TTN: variants seen among roughly 807,000 people sequenced by gnomAD.
The protein encoded by TTN is connectin.
A neutral mutation model predicts 3,223.0 loss-of-function variants in TTN; 1,525 were observed. The observed-to-expected ratio is 0.47, with a 90% CI of 0.45 to 0.49. TTN has a LOEUF of 0.49. Among genes scored for constraint, TTN ranks in the 20% least tolerant of loss-of-function variants. TTN has a pLI of 0.00. For missense variants in TTN, 40,786 were observed against 43,424.0 expected (o/e 0.94, Z 5.40); for synonymous variants, 14,094 against 15,161.0 (o/e 0.93, Z 5.17).
In TTN at chr2:178,712,733, C is replaced by T. The variant is rs772115815; in HGVS notation, c.27292G>A (p.Gly9098Ser). 2 of 1,613,754 alleles carry T rather than the reference C, an allele frequency of 1.2e-6. No homozygotes were observed. The highest frequency in any genetic ancestry group is 2.2e-5 in the East Asian group (1 of 44,864). Residue 9098 changes from glycine (G) to serine (S), a missense_variant, in exon 94 of 363, where the codon GGC becomes AGC. Coordinates refer to ENST00000589042, the MANE Select transcript of TTN (RefSeq NM_001267550.2). ...EYTCIVSNEA[G>S]KASCTTHLYI... ...AGATGTGTTGTACAAGAAGCCTTGCCAGCTTCATTGCTAACTATGCAAGTA... is the reference window on the plus strand; with the variant it reads ...AGATGTGTTGTACAAGAAGCCTTGCTAGCTTCATTGCTAACTATGCAAGTA...
At chr2:178,667,357 A>G in intron 161 of TTN, 38 bp from the exon 162 acceptor site, 3 of 1,571,846 alleles carry the variant, frequency 1.9e-6, no homozygotes, top group Non-Finnish European at 2.6e-6. Flanking sequence ...TAAAAGTTGT[A>G]AAAACAGTAA....
chr2:178,748,202 C>G (rs1314174634), intron 47 of TTN: 1 of 1,613,060 alleles, frequency 6.2e-7, no homozygotes, highest in East Asian at 2.2e-5. Context: ...AAGTAGGGCA[C>G]ATGATTCACT....
At chr2:178,642,356 T>C (rs372110876) in intron 218 of TTN, 39 bp from the exon 219 acceptor site, 41 of 1,524,146 alleles carry the variant, frequency 2.7e-5, no homozygotes, top group African/African-American at 8.3e-5. Flanking sequence ...AGTGAATTTA[T>C]ATAAAAACGG....
At position 178,633,304 on chromosome 2, in the gene TTN, C is replaced by A; in HGVS notation, c.42969G>T (p.Lys14323Asn). 6.2e-7 allele frequency: 1 copy of A among 1,612,910 alleles called. No individual in the cohort carries two copies. Among genetic ancestry groups the A allele is most frequent in the South Asian group, 1.1e-5 (1 of 90,856 alleles). ...CAAACACCTCTACTCCGTACAGAGG[C>A]TTTTCCACTTTTATTAGTCGAGCTG... ...TVEARLIKVEKPLYGVEVFVG... is the reference protein window; with the variant it reads ...TVEARLIKVENPLYGVEVFVG... Residue 14323 changes from lysine (K) to asparagine (N), a missense_variant, in exon 233 of 363, where the codon AAG becomes AAT. Physicochemically the swap from Lys to Asn is moderately conservative, Grantham distance 94. Coordinates refer to ENST00000589042, the MANE Select transcript of TTN (RefSeq NM_001267550.2).
rs762080939 is a variant in TTN at position 178,779,370 on chromosome 2, A to C, written c.3822T>G (p.Asp1274Glu). ...KTTLEELLEE[D>E]GEEKMAVDIS... is the part of the protein sequence containing the mutation. ...TGTCAACTGCCATCTTTTCTTCTCC[A>C]TCTTCTTCAAGAAGTTCTTCTAATG... The change falls in exon 23 of 363, where the codon GAT (aspartate) becomes GAG (glutamate). Residue 1274 changes from aspartate (D) to glutamate (E), a missense_variant. Physicochemically the swap from Asp to Glu is conservative, Grantham distance 45 (BLOSUM62 2). Transcript: ENST00000589042. The C allele has an allele frequency of 3.1e-6, 5 of 1,608,080 alleles. No homozygotes were observed. The highest frequency in any genetic ancestry group is 1.7e-4 in the Middle Eastern group (1 of 6,054).
chr2:178,584,397 T>C lies in TTN; in HGVS notation c.65154A>G (p.Glu21718=), dbSNP rs1398995002. Residue 21718 remains glutamate (E), a synonymous_variant, in exon 311 of 363, where the codon GAA becomes GAG. Coordinates refer to ENST00000589042, the MANE Select transcript of TTN (RefSeq NM_001267550.2). The stretch of plus-strand genomic sequence containing the variant: ...CTTCTACAAGGCCAGCACAAGGATA[T>C]TCAGTTGACCGGACAAGAGTATCAT... ...KANDTLVRST[E]YPCAGLVEGL... 1 of 1,613,210 alleles carries C rather than the reference T, an allele frequency of 6.2e-7. No individual in the cohort carries two copies. Among genetic ancestry groups the C allele is most frequent in the African/African-American group, 1.3e-5 (1 of 74,874 alleles).
chr2:178,697,277 T>TACTCATAC, intron 112 of TTN, 109 bp from the exon 113 acceptor site: 2 of 850,854 alleles, frequency 2.4e-6, no homozygotes, highest in Non-Finnish European at 3.4e-6. Flanking sequence ...CTATGACTAC[T>TACTCATAC]ACTCATACAC....
chr2:178,600,922 G>A lies in TTN; in HGVS notation c.55982C>T (p.Ala18661Val), dbSNP rs370732855. Residue 18661 changes from alanine (A) to valine (V), a missense_variant, in exon 288 of 363, where the codon GCT (alanine) becomes GTT (valine). Coordinates refer to ENST00000589042, the MANE Select transcript of TTN (RefSeq NM_001267550.2). The part of the protein sequence containing the change: ...EGGEYEFRVK[A>V]VNAAGVSKPS... ...CTTGCTGACTCCTGCAGCATTGACAGCTTTGACTCGGAATTCATATTCCCC... is the reference window on the plus strand; with the variant it reads ...CTTGCTGACTCCTGCAGCATTGACAACTTTGACTCGGAATTCATATTCCCC... 2 of 1,612,854 alleles carry A rather than the reference G, an allele frequency of 1.2e-6. No individual in the cohort carries two copies. The highest frequency in any genetic ancestry group is 3.3e-5 in the Admixed American group (2 of 59,940).
At chr2:178,638,673 A>T (rs2060823829) in intron 223 of TTN, among the ~76,000 whole-genome samples, 1 of 151,760 alleles carries the variant, frequency 6.6e-6, no homozygotes, top group African/African-American at 2.4e-5. Context: ...TAGATTCTTC[A>T]CATCTTAGAA....
At position 178,731,086 on chromosome 2, in the gene TTN, C is replaced by A; in HGVS notation, c.17579G>T (p.Gly5860Val). Residue 5860 changes from glycine (G) to valine (V), a missense_variant, in exon 60 of 363, where the codon GGC (glycine) becomes GTC (valine). Transcript: ENST00000589042. Reference protein sequence around the residue: ...KEITAKWFKDGQELTLGSKYK... With the variant: ...KEITAKWFKDVQELTLGSKYK... The stretch of plus-strand genomic sequence containing the variant: ...TTTTGAGCCCAGGGTCAGTTCTTGG[C>A]CATCTTTAAACCATTTGGCTGTAAT... 1 of 1,613,660 alleles carries A rather than the reference C, an allele frequency of 6.2e-7. No individual in the cohort carries two copies. Among genetic ancestry groups the A allele is most frequent in the Non-Finnish European group, 8.5e-7 (1 of 1,179,708 alleles).
In TTN at chr2:178,612,846, A is replaced by G; in HGVS notation, c.49875T>C (p.Val16625=). The change falls in exon 265 of 363, where the codon GTT becomes GTC. Residue 16625 remains valine (V), a synonymous_variant. Transcript: ENST00000589042. The part of the protein sequence containing the change: ...LMEGQEYSFR[V]RAVNKAGESE... ...TTTCCCCAGCCTTATTCACAGCTCT[A>G]ACTCGGAATGAGTATTCCTGTCCTT... 1.2e-6 allele frequency: 2 copies of G among 1,612,538 alleles called. No homozygotes were observed. The highest frequency in any genetic ancestry group is 1.7e-6 in the Non-Finnish European group (2 of 1,179,200).
In TTN at chr2:178,706,674, C is replaced by T; in HGVS notation, c.29200G>A (p.Gly9734Arg). ...CCTTGGTTCAGCTGTCTCCACTTCC[C>T]TTTTGTCCATTTAACATTTGGGATT... The part of the protein sequence containing the change: ...DPIPNVKWTK[G>R]KWRQLNQGGR... Residue 9734 changes from glycine (G) to arginine (R), a missense_variant, in exon 102 of 363, where the codon GGG (glycine) becomes AGG (arginine). Transcript: ENST00000589042. 6.2e-7 allele frequency: 1 copy of T among 1,613,830 alleles called. No individual in the cohort carries two copies. The highest frequency in any genetic ancestry group is 8.5e-7 in the Non-Finnish European group (1 of 1,179,776).
intron 214 of TTN, 27 bp downstream of exon 214, chr2:178,647,354 T>C: frequency 6.5e-7 from 1 of 1,547,554 alleles, no homozygotes; most frequent in Non-Finnish European, 8.7e-7. Context: ...TTGTCATCTT[T>C]CCAAGATTTA....
chr2:178,598,042 A>G lies in TTN; in HGVS notation c.57128T>C (p.Val19043Ala), dbSNP rs567967628. The change falls in exon 293 of 363, where the codon GTG becomes GCG. Residue 19043 changes from valine (V) to alanine (A), a missense_variant. Coordinates refer to ENST00000589042, the MANE Select transcript of TTN (RefSeq NM_001267550.2). The stretch of plus-strand genomic sequence containing the variant: ...TGTCACAACAAGCTTTGTTCCTCTC[A>G]CTTCTTTATCTTTACCCTGGGGAGA... ...EEWEKGKDKEVRGTKLVVTGL... is the reference protein window; with the variant it reads ...EEWEKGKDKEARGTKLVVTGL... The G allele has an allele frequency of 5.0e-6, 8 of 1,612,484 alleles. No individual in the cohort carries two copies. The South Asian group carries it at 8.8e-5, about 18-fold the overall frequency.
In TTN at chr2:178,571,951, T is replaced by G. The variant is rs374889737; in HGVS notation, c.74181A>C (p.Val24727=). The G allele has an allele frequency of 6.2e-7, 1 of 1,613,220 alleles. No homozygotes were observed. The highest frequency in any genetic ancestry group is 1.3e-5 in the African/African-American group (1 of 74,876). The change falls in exon 326 of 363, where the codon GTA becomes GTC. Residue 24727 remains valine (V), a synonymous_variant. Coordinates refer to ENST00000589042, the MANE Select transcript of TTN (RefSeq NM_001267550.2). ...CAACTTTTAGGTCTTCACCTGCCAGTACAGTGAAAGTATTGAACAGGAGTT... is the reference window on the plus strand; with the variant it reads ...CAACTTTTAGGTCTTCACCTGCCAGGACAGTGAAAGTATTGAACAGGAGTT... ...AFKLLFNTFT[V]LAGEDLKVDV... is the part of the protein sequence containing the mutation.
chr2:178,647,076 G>A lies in TTN; in HGVS notation c.40210C>T (p.Pro13404Ser), dbSNP rs1405909087. The change falls in exon 215 of 363, where the codon CCC becomes TCC. Residue 13404 changes from proline (P) to serine (S), a missense_variant. Pro to Ser is a moderately conservative substitution (Grantham distance 74). Coordinates refer to ENST00000589042, the MANE Select transcript of TTN (RefSeq NM_001267550.2). ...ASITIGRKETPPVEEREIEKY... is the reference protein window; with the variant it reads ...ASITIGRKETSPVEEREIEKY... ...TATATATATATACCTTCAACAGGGG[G>A]AGTCTCTTTTCTACCAATGGTTATA... 1.1e-5 allele frequency: 14 copies of A among 1,317,752 alleles called. No individual in the cohort carries two copies. The highest frequency in any genetic ancestry group is 1.4e-5 in the Non-Finnish European group (14 of 1,005,356). The allele number at this position is 1,317,752 out of a possible 1,614,324, so 81.6% of individuals were successfully genotyped here.
In TTN at chr2:178,673,775, C is replaced by T. The variant is rs2067463313; in HGVS notation, c.34709-65G>A. The T allele has an allele frequency of 3.7e-6, 4 of 1,076,116 alleles. No individual in the cohort carries two copies. The Admixed American group carries it at 7.6e-5, about 21-fold the overall frequency. The allele number at this position is 1,076,116 out of a possible 1,614,324, so 66.7% of individuals were successfully genotyped here. Reference sequence around the variant, plus strand: ...TGATGAGCAGAACACCACCCATATACCAATAAATAAATATCACAAAACATT... The same window carrying T: ...TGATGAGCAGAACACCACCCATATATCAATAAATAAATATCACAAAACATT... On this transcript the variant is annotated intron_variant, in intron 151 of 362. Transcript: ENST00000589042.
chr2:178,718,266 A>G (rs2077798163), intron 85 of TTN, 45 bp from the exon 86 acceptor site: 1 of 1,595,816 alleles, frequency 6.3e-7, no homozygotes, highest in East Asian at 2.2e-5. Flanking sequence ...CATGCCATGT[A>G]AAAGAGGATG....
In TTN at chr2:178,616,808, A is replaced by G. The variant is rs754088360; in HGVS notation, c.48081T>C (p.Arg16027=). ...TCAGTGTATAAATGCCCTTGTCTGAACGTTCACTTGGAGAAATGACAAGTT... is the reference window on the plus strand; with the variant it reads ...TCAGTGTATAAATGCCCTTGTCTGAGCGTTCACTTGGAGAAATGACAAGTT... ...YAELVISPSE[R]SDKGIYTLKL... is the part of the protein sequence containing the mutation. Residue 16027 remains arginine, a synonymous_variant, in exon 256 of 363, where the codon CGT becomes CGC. Coordinates refer to ENST00000589042, the MANE Select transcript of TTN (RefSeq NM_001267550.2). The G allele has an allele frequency of 5.0e-6, 8 of 1,612,652 alleles. No homozygotes were observed. The African/African-American group carries it at 1.1e-4, about 22-fold the overall frequency.
Sources: gnomAD v4.1 joint callset for allele counts (sites outside exome capture counted in the v4.1 genomes callset) on GRCh38, gnomAD v4.1.1 for gene constraint, MANE v1.5 for transcripts, NCBI Gene and HGNC (gene_info 2026-07-23, HGNC 2026-07-21) for gene names.